Variants in SEC61G observed in about 807,000 individuals in gnomAD.
SEC61G encodes the protein protein transport protein Sec61 subunit gamma.
SEC61G carries 4 observed loss-of-function variants against 7.5 expected under a neutral mutation model. The ratio of observed to expected loss-of-function variants is 0.54; its 90% confidence interval spans 0.26 to 1.22. The LOEUF (loss-of-function observed/expected upper bound fraction) is 1.22, where lower values mean the gene tolerates loss of function less well. Ranked by LOEUF, SEC61G falls within the 50% of genes most tolerant of loss-of-function variation. The probability of loss-of-function intolerance (pLI) is 0.12; values close to 1 mark genes in which losing one functional copy is unlikely to be tolerated. For missense variants in SEC61G, 53 were observed against 84.6 expected, an observed-to-expected ratio of 0.63 and a Z score of 1.46; for synonymous variants, 24 against 24.4, an observed-to-expected ratio of 0.98 and a Z score of 0.05.
At chr7:54,754,090 G>A (rs994303674) in intron 3 of SEC61G, among the ~76,000 whole-genome samples, 3 of 152,198 alleles carry the variant, frequency 2.0e-5, no homozygotes, top group South Asian at 2.1e-4. Flanking sequence ...ATGAAAAGAC[G>A]GACCTGAGTA....
chr7:54,758,891 CCGGG>C (rs386713477), intron 1 of SEC61G: 2,834 of 269,934 alleles, frequency 0.01, 94 homozygotes, highest in African/African-American at 0.063. Flanking sequence ...ACAGAAGACG[CCGGG>C]GCAGGACGCT....
Position 54,752,295 on chromosome 7 carries a change from G to C in SEC61G, c.*116C>G. 1.7e-6 allele frequency: 1 copy of C among 595,834 alleles called. No individual in the cohort carries two copies. The highest frequency in any genetic ancestry group is 2.9e-6 in the Non-Finnish European group (1 of 348,610). 36.9% of individuals were successfully genotyped at this position (595,834 alleles called of 1,614,324 possible). ...TTAATTTAGAAATAGAAAACATCTT[G>C]AAAGGAAAAAAAAAAACCCACAAAA... On this transcript the variant is annotated 3_prime_UTR_variant, in exon 4 of 4. Transcript: ENST00000352861.
Position 54,757,614 on chromosome 7 carries a change from TACTC to T in SEC61G, c.-6-24_-6-21del. 2 of 1,590,482 alleles carry T rather than the reference TACTC, an allele frequency of 1.3e-6. No homozygotes were observed. The highest frequency in any genetic ancestry group is 1.7e-6 in the Non-Finnish European group (2 of 1,159,038). ...GACTGCCTGTTTAAAACAAAAAAGA[TACTC>T]ACTGGTATTGGTTCTCATACAATAA... On this transcript the variant is annotated intron_variant, in intron 1 of 3. Transcript: ENST00000352861.
rs762907152 is a variant in SEC61G at position 54,759,194 on chromosome 7, G to T, written c.-43C>A. On this transcript the variant is annotated 5_prime_UTR_variant, in exon 1 of 4. Transcript: ENST00000352861. ...ACACCTAAAATGCCAGGGACACGTA[G>T]CACTGGAGCTTGCTGATGGAGGCCC... The T allele has an allele frequency of 3.9e-6, 2 of 518,966 alleles. No individual in the cohort carries two copies. Among genetic ancestry groups the T allele is most frequent in the Non-Finnish European group, 7.7e-6 (2 of 259,884 alleles). 32.1% of individuals were successfully genotyped at this position (518,966 alleles called of 1,614,324 possible).
intron 2 of SEC61G, among the ~76,000 whole-genome samples, chr7:54,757,248 TACTA>T (rs1367611644): frequency 6.6e-5 from 10 of 152,224 alleles, no homozygotes; most frequent in East Asian, 1.9e-4. Flanking sequence ...CATAAAATGT[TACTA>T]ACTAAAATGT....
intron 2 of SEC61G, among the ~76,000 whole-genome samples, chr7:54,757,012 T>C (rs1206266822): frequency 6.7e-6 from 1 of 148,362 alleles, no homozygotes; most frequent in Non-Finnish European, 1.5e-5. Context: ...ATATACTATA[T>C]TATATACATG....
intron 1 of SEC61G, 94 bp downstream of exon 1, chr7:54,759,064 G>T (rs1421428033): frequency 4.7e-6 from 2 of 426,144 alleles, no homozygotes; most frequent in East Asian, 1.4e-4. Context: ...GCCGCCCGGG[G>T]AGACACGCCG....
At position 54,759,168 on chromosome 7, in the gene SEC61G, G is replaced by A. The variant is rs1791584935; in HGVS notation, c.-17C>T. 1 of 518,938 alleles carries A rather than the reference G, an allele frequency of 1.9e-6. No homozygotes were observed. Among genetic ancestry groups the A allele is most frequent in the Non-Finnish European group, 3.8e-6 (1 of 259,830 alleles). The allele number at this position is 518,938 out of a possible 1,614,324, so 32.1% of individuals were successfully genotyped here. On this transcript the variant is annotated 5_prime_UTR_variant, in exon 1 of 4. Coordinates refer to ENST00000352861, the MANE Select transcript of SEC61G (RefSeq NM_014302.4). The stretch of plus-strand genomic sequence containing the variant: ...TGGGAAGAAACTCACCTACCCAACC[G>A]ACACCTAAAATGCCAGGGACACGTA...
chr7:54,752,703 A>G (rs17172381), intron 3 of SEC61G, among the ~76,000 whole-genome samples: 44,276 of 151,996 alleles, frequency 0.29, 7,258 homozygotes, highest in African/African-American at 0.46. Flanking sequence ...TCTGAACACA[A>G]CAAAAAATAT....
intron 1 of SEC61G, among the ~76,000 whole-genome samples, chr7:54,758,576 AC>A (rs1202601462): frequency 6.6e-6 from 1 of 152,200 alleles, no homozygotes; most frequent in Non-Finnish European, 1.5e-5. Flanking sequence ...ATTTCACTCA[AC>A]TTTGCTCTTG....
In SEC61G at chr7:54,754,191, C is replaced by A. The variant is rs370604974; in HGVS notation, c.197+1588G>T. Among the ~76,000 whole-genome samples the A allele has an allele frequency of 3.5e-3, 528 of 152,088 alleles. 5 individuals are homozygous for A. The highest frequency in any genetic ancestry group is 0.012 in the African/African-American group (484 of 41,496). On this transcript the variant is annotated intron_variant, in intron 3 of 3. Coordinates refer to ENST00000352861, the MANE Select transcript of SEC61G (RefSeq NM_014302.4). ...AAAAAATTTGAAAGGTGCTTGTATA[C>A]CAAAAAATTGGAAAAGGTGGGCTTA...
At chr7:54,757,695 G>A (rs552432672) in intron 1 of SEC61G, 101 bp from the exon 2 acceptor site, 5 of 836,760 alleles carry the variant, frequency 6.0e-6, no homozygotes, top group African/African-American at 5.0e-5. Flanking sequence ...CTGAATTCAC[G>A]TCTAACATGG....
intron 2 of SEC61G, 32 bp downstream of exon 2, chr7:54,757,463 T>C: frequency 1.9e-6 from 3 of 1,555,530 alleles, no homozygotes; most frequent in Non-Finnish European, 2.7e-6. Flanking sequence ...AATGCAAAGA[T>C]TTAATTTTTT....
Position 54,757,512 on chromosome 7 carries a change from G to A in SEC61G, c.77C>T (p.Thr26Ile), listed in dbSNP as rs1791543636. ...KDSIRLVKRC[T>I]KPDRKEFQKI... Reference sequence around the variant, plus strand: ...GCAATTACCTTTTCTATCAGGTTTAGTGCATCTTTTAACCAGCCGAATGGA... The same window carrying A: ...GCAATTACCTTTTCTATCAGGTTTAATGCATCTTTTAACCAGCCGAATGGA... The change falls in exon 2 of 4, where the codon ACT becomes ATT. Residue 26 changes from threonine (T) to isoleucine (I), a missense_variant. Coordinates refer to ENST00000352861, the MANE Select transcript of SEC61G (RefSeq NM_014302.4). The A allele has an allele frequency of 6.2e-7, 1 of 1,613,664 alleles. No individual in the cohort carries two copies. Among genetic ancestry groups the A allele is most frequent in the Non-Finnish European group, 8.5e-7 (1 of 1,179,634 alleles).
At chr7:54,756,643 A>C (rs1704491469) in intron 2 of SEC61G, among the ~76,000 whole-genome samples, 2 of 151,986 alleles carry the variant, frequency 1.3e-5, no homozygotes, top group South Asian at 4.2e-4. Flanking sequence ...ACAGAGTGAG[A>C]CTCTGTCTGA....
At chr7:54,754,794 CAATG>C (rs1427894266) in intron 3 of SEC61G, 2 of 152,108 alleles carry the variant, frequency 1.3e-5, no homozygotes, top group Non-Finnish European at 2.9e-5. Flanking sequence ...TGGAAGTTCT[CAATG>C]AATGTTAATT....
intron 1 of SEC61G, among the ~76,000 whole-genome samples, chr7:54,758,781 A>G (rs1791574863): frequency 6.6e-6 from 1 of 152,222 alleles, no homozygotes; most frequent in Admixed American, 6.5e-5. Flanking sequence ...CGGCGGCAGG[A>G]CCAGAGCTGA....
chr7:54,755,913 T>A, intron 2 of SEC61G, 32 bp from the exon 3 acceptor site: 1 of 1,378,692 alleles, frequency 7.3e-7, no homozygotes, highest in African/African-American at 1.4e-5. Flanking sequence ...TCACATATTT[T>A]TTGCACTGTC....
At position 54,752,290 on chromosome 7, in the gene SEC61G, A is replaced by T. The variant is rs1473361412; in HGVS notation, c.*121T>A. 1 of 572,442 alleles carries T rather than the reference A, an allele frequency of 1.7e-6. No individual in the cohort carries two copies. Among genetic ancestry groups the T allele is most frequent in the African/African-American group, 1.9e-5 (1 of 52,188 alleles). 35.5% of individuals were successfully genotyped at this position (572,442 alleles called of 1,614,324 possible). On this transcript the variant is annotated 3_prime_UTR_variant, in exon 4 of 4. Transcript: ENST00000352861. The stretch of plus-strand genomic sequence containing the variant: ...TTACTTTAATTTAGAAATAGAAAAC[A>T]TCTTGAAAGGAAAAAAAAAAACCCA...
Sources: allele counts gnomAD v4.1 joint callset (sites outside exome capture counted in the v4.1 genomes callset), GRCh38; gene constraint gnomAD v4.1.1; transcripts MANE v1.5; gene names NCBI Gene and HGNC (gene_info 2026-07-23, HGNC 2026-07-21).